Variants in RNMT observed in about 807,000 individuals in gnomAD.
RNMT encodes the protein RNA guanine-7 methyltransferase.
Under a neutral mutation model 56.0 loss-of-function variants are expected in RNMT, and 27 were observed. That is an observed-to-expected ratio of 0.48 (90% CI 0.36 to 0.67). RNMT has a LOEUF of 0.67. Ranked by LOEUF, RNMT falls within the 30% of genes least tolerant of loss-of-function variation. The probability of loss-of-function intolerance (pLI) is 0.00; values close to 1 mark genes in which losing one functional copy is unlikely to be tolerated. For missense variants in RNMT, 519 were observed against 552.1 expected (o/e 0.94, Z 0.60); for synonymous variants, 184 against 176.2 (o/e 1.04, Z -0.35).
At chr18:13,744,350 T>C (rs1053732748) in intron 8 of RNMT, among the ~76,000 whole-genome samples, 5 of 152,034 alleles carry the variant, frequency 3.3e-5, no homozygotes, top group African/African-American at 1.2e-4. Flanking sequence ...AGAAATAAGC[T>C]TTTTGTGTGG....
intron 4 of RNMT, among the ~76,000 whole-genome samples, chr18:13,736,352 A>G (rs1568500914): frequency 6.6e-6 from 1 of 152,192 alleles, no homozygotes; most frequent in Non-Finnish European, 1.5e-5. Context: ...GCCTGAGAAT[A>G]TTAATATGCT....
chr18:13,745,740 TA>T (rs368162516), intron 8 of RNMT, among the ~76,000 whole-genome samples: 6 of 140,592 alleles, frequency 4.3e-5, no homozygotes, highest in East Asian at 4.1e-4. Context: ...AGAAGTTGGG[TA>T]AAAAAAAACC....
intron 9 of RNMT, among the ~76,000 whole-genome samples, chr18:13,749,502 G>A (rs1005700926): frequency 2.6e-5 from 4 of 152,122 alleles, no homozygotes; most frequent in African/African-American, 9.7e-5. Flanking sequence ...AAGAGACAAA[G>A]AAGATTGCAA....
intron 11 of RNMT, among the ~76,000 whole-genome samples, chr18:13,755,825 C>T (rs748353902): frequency 3.9e-5 from 6 of 152,150 alleles, no homozygotes; most frequent in Non-Finnish European, 7.4e-5. Flanking sequence ...CACGAGTCAT[C>T]ATGATGGCGG....
At chr18:13,739,779 C>G (rs543585417) in intron 5 of RNMT, among the ~76,000 whole-genome samples, 2 of 152,002 alleles carry the variant, frequency 1.3e-5, no homozygotes, top group Non-Finnish European at 2.9e-5. Context: ...CAGCAAGACT[C>G]TGTCTCAAAA....
chr18:13,761,427 G>C lies in RNMT; in HGVS notation c.*1448G>C, dbSNP rs746809110. Reference sequence around the variant, plus strand: ...GCAGGTTCGTTTTCATTCTAGGGCAGTGCCAGGAAGTATATTGATAGCTTT... The same window carrying C: ...GCAGGTTCGTTTTCATTCTAGGGCACTGCCAGGAAGTATATTGATAGCTTT... On this transcript the variant is annotated 3_prime_UTR_variant, in exon 12 of 12. Transcript: ENST00000383314. The C allele has an allele frequency of 5.1e-6, 5 of 985,658 alleles. No individual in the cohort carries two copies. The highest frequency in any genetic ancestry group is 6.0e-6 in the Non-Finnish European group (5 of 830,108). The allele number at this position is 985,658 out of a possible 1,614,324, so 61.1% of individuals were successfully genotyped here. A position where few individuals can be genotyped will look rare whatever the true frequency, so the allele number is the denominator to read the frequency against.
intron 5 of RNMT, among the ~76,000 whole-genome samples, chr18:13,737,646 TGGTC>T (rs1442539253): frequency 1.3e-5 from 2 of 151,808 alleles, no homozygotes; most frequent in African/African-American, 4.8e-5. Flanking sequence ...CTATCAAAGA[TGGTC>T]GGAGTCATGT....
intron 4 of RNMT, among the ~76,000 whole-genome samples, chr18:13,734,970 C>G (rs952679087): frequency 6.6e-6 from 1 of 152,062 alleles, no homozygotes; most frequent in Non-Finnish European, 1.5e-5. Flanking sequence ...ATGTGTATTA[C>G]ATTGAGGATA....
chr18:13,759,848 A>G lies in RNMT; in HGVS notation c.1394-94A>G, dbSNP rs2044598021. 5 of 1,056,956 alleles carry G rather than the reference A, an allele frequency of 4.7e-6. No individual in the cohort carries two copies. The South Asian group carries it at 6.9e-5, about 15-fold the overall frequency. 65.5% of individuals were successfully genotyped at this position (1,056,956 alleles called of 1,614,324 possible). On this transcript the variant is annotated intron_variant, in intron 11 of 11. Transcript: ENST00000383314. ...TTTTCCTCTTCAGAAGCTGCTTGAG[A>G]GCCTAAGAATTTTCACCAAATTATG... is the stretch of plus-strand genomic sequence containing the variant.
rs1370862361 is a variant in RNMT, at chr18:13,742,562, A to G, written c.1049A>G (p.Asp350Gly). 4.3e-6 allele frequency: 7 copies of G among 1,613,422 alleles called. No individual in the cohort carries two copies. The African/African-American group carries it at 6.7e-5, about 15-fold the overall frequency. The change falls in exon 8 of 12, where the codon GAT becomes GGT. Residue 350 changes from aspartate to glycine, a missense_variant. Coordinates refer to ENST00000383314, the MANE Select transcript of RNMT (RefSeq NM_003799.3). Reference sequence around the variant, plus strand: ...ACTGTGAAATTTCAGAAGAAAGGAGATTATCCTTTATTTGGCTGCAAATAT... The same window carrying G: ...ACTGTGAAATTTCAGAAGAAAGGAGGTTATCCTTTATTTGGCTGCAAATAT... ...IYTVKFQKKG[D>G]YPLFGCKYDF...
chr18:13,745,967 G>A (rs949063753), intron 8 of RNMT, among the ~76,000 whole-genome samples: 12 of 152,248 alleles, frequency 7.9e-5, no homozygotes, highest in East Asian at 1.9e-4. Flanking sequence ...TCACAGCTCC[G>A]GAGACTCTCA....
In RNMT at chr18:13,754,142, C is replaced by G. The variant is rs1212188233; in HGVS notation, c.1388C>G (p.Ala463Gly). 2 of 1,565,026 alleles carry G rather than the reference C, an allele frequency of 1.3e-6. No individual in the cohort carries two copies. Among genetic ancestry groups the G allele is most frequent in the Non-Finnish European group, 1.8e-6 (2 of 1,137,258 alleles). Residue 463 changes from alanine (A) to glycine (G), a missense_variant, in exon 11 of 12, where the codon GCT becomes GGT. Coordinates refer to ENST00000383314, the MANE Select transcript of RNMT (RefSeq NM_003799.3). Reference protein sequence around the residue: ...LGTLSKSEWEATSIYLVFAFE... With the variant: ...LGTLSKSEWEGTSIYLVFAFE... Reference sequence around the variant, plus strand: ...ACCTTAAGTAAATCAGAATGGGAAGCTACAAGTGAGTATATCATCAGCATA... The same window carrying G: ...ACCTTAAGTAAATCAGAATGGGAAGGTACAAGTGAGTATATCATCAGCATA...
chr18:13,758,929 C>G (rs563001464), intron 11 of RNMT, among the ~76,000 whole-genome samples: 1 of 152,014 alleles, frequency 6.6e-6, no homozygotes, highest in Non-Finnish European at 1.5e-5. Flanking sequence ...TCTCCAGGAA[C>G]AGAGAGGCCA....
At chr18:13,738,914 C>CA (rs1351497103) in intron 5 of RNMT, among the ~76,000 whole-genome samples, 5 of 152,288 alleles carry the variant, frequency 3.3e-5, no homozygotes, top group Admixed American at 6.5e-5. Context: ...AATTCTACCT[C>CA]AGATCATCAG....
intron 6 of RNMT, 149 bp from the exon 7 acceptor site, chr18:13,741,361 C>A: frequency 1.9e-6 from 1 of 537,060 alleles, no homozygotes; most frequent in South Asian, 3.0e-5. Context: ...AACTAGAATA[C>A]ATGCATGATT....
chr18:13,734,363 C>A, intron 3 of RNMT, 101 bp from the exon 4 acceptor site: 1 of 1,036,876 alleles, frequency 9.6e-7, no homozygotes, highest in Non-Finnish European at 1.4e-6. Context: ...TGAAGTTTAC[C>A]AATTCTAATA....
Position 13,761,820 on chromosome 18 carries a change from C to G in RNMT, c.*1841C>G. ...GAGCTTTGCCTGTCTCTTGCCTTAT[C>G]AGTTCTTCCTCCACCACCCTACACC... On this transcript the variant is annotated 3_prime_UTR_variant, in exon 12 of 12. Transcript: ENST00000383314. 7.5e-7 allele frequency: 1 copy of G among 1,335,084 alleles called. No homozygotes were observed. The highest frequency in any genetic ancestry group is 3.4e-5 in the Admixed American group (1 of 29,530). The allele number at this position is 1,335,084 out of a possible 1,614,324, so 82.7% of individuals were successfully genotyped here.
At chr18:13,759,549 A>G (rs1020622331) in intron 11 of RNMT, among the ~76,000 whole-genome samples, 1 of 152,038 alleles carries the variant, frequency 6.6e-6, no homozygotes, top group Non-Finnish European at 1.5e-5. Context: ...GTTTTCTAAA[A>G]TATCTTTAAT....
chr18:13,741,377 G>A, intron 6 of RNMT, 133 bp from the exon 7 acceptor site: 1 of 571,148 alleles, frequency 1.8e-6, no homozygotes, highest in South Asian at 2.6e-5. Context: ...TGATTTCTGT[G>A]TGTCCTTTAT....
Sources: allele counts gnomAD v4.1 joint callset (sites outside exome capture counted in the v4.1 genomes callset), GRCh38; gene constraint gnomAD v4.1.1; transcripts MANE v1.5; gene names NCBI Gene and HGNC (gene_info 2026-07-23, HGNC 2026-07-21).